Variants in CALN1 observed in about 807,000 individuals in gnomAD.
CALN1 encodes the protein calneuron 1.
CALN1 carries 17 observed loss-of-function variants against 30.6 expected under a neutral mutation model. That is an observed-to-expected ratio of 0.56 (90% CI 0.38 to 0.83). The LOEUF is 0.83. Ranked by LOEUF, CALN1 falls within the 40% of genes least tolerant of loss-of-function variation. The pLI is 0.00. For missense variants in CALN1, 291 were observed against 354.9 expected (o/e 0.82, Z 1.45); for synonymous variants, 156 against 131.4 (o/e 1.19, Z -1.28).
chr7:72,303,071 C>A (rs934719855), intron 2 of CALN1, among the ~76,000 whole-genome samples: 3 of 150,918 alleles, frequency 2.0e-5, no homozygotes, highest in Non-Finnish European at 3.0e-5. Flanking sequence ...CAGAGACAGA[C>A]CCTGTCTCAA....
At chr7:72,483,307 CA>C in the CALN1 span, among the ~76,000 whole-genome samples, 2 of 108,028 alleles carry the variant, frequency 1.9e-5, no homozygotes, top group Admixed American at 1.2e-4. Context: ...TTTTTTGAGA[CA>C]AAGGCTTGCT....
chr7:72,121,326 AAAT>A (rs1451965193), intron 3 of CALN1, among the ~76,000 whole-genome samples: 22 of 144,324 alleles, frequency 1.5e-4, no homozygotes, highest in East Asian at 5.9e-4. Context: ...TATATAAATT[AAAT>A]AATATATAAA....
chr7:72,045,487 G>A (rs1275245167), intron 4 of CALN1, among the ~76,000 whole-genome samples: 1 of 152,184 alleles, frequency 6.6e-6, no homozygotes. Flanking sequence ...AATGCAATGA[G>A]TGAGAGCCAC....
At chr7:72,226,791 C>T (rs903882205) in intron 3 of CALN1, among the ~76,000 whole-genome samples, 14 of 152,134 alleles carry the variant, frequency 9.2e-5, no homozygotes, top group Non-Finnish European at 1.5e-5. Context: ...ACCTGTAATT[C>T]CAGCACTTTG....
intron 4 of CALN1, among the ~76,000 whole-genome samples, chr7:72,027,392 C>T (rs896881680): frequency 6.6e-6 from 1 of 152,096 alleles, no homozygotes; most frequent in South Asian, 2.1e-4. Context: ...CTTAGAAGCT[C>T]AAGGACACGA....
intron 3 of CALN1, among the ~76,000 whole-genome samples, chr7:72,263,831 G>T (rs1476876730): frequency 6.6e-6 from 1 of 152,088 alleles, no homozygotes; most frequent in African/African-American, 2.4e-5. Flanking sequence ...TTGTTCCCAG[G>T]GATAAGCATG....
intron 2 of CALN1, among the ~76,000 whole-genome samples, chr7:72,371,468 A>T (rs937160459): frequency 8.5e-5 from 13 of 152,084 alleles, no homozygotes; most frequent in African/African-American, 3.1e-4. Flanking sequence ...TGGTTTTATA[A>T]AAGGATTTTC....
chr7:72,199,352 C>G (rs1791253959), intron 3 of CALN1, among the ~76,000 whole-genome samples: 1 of 152,140 alleles, frequency 6.6e-6, no homozygotes, highest in Non-Finnish European at 1.5e-5. Flanking sequence ...GGCTACAATC[C>G]AAAAATACAG....
intron 2 of CALN1, among the ~76,000 whole-genome samples, chr7:72,328,999 G>T (rs1254092954): frequency 6.6e-6 from 1 of 152,234 alleles, no homozygotes; most frequent in Non-Finnish European, 1.5e-5. Flanking sequence ...GCCCAGCCCG[G>T]TGTCTACATT....
At chr7:71,901,229 T>C (rs999088832) in intron 5 of CALN1, among the ~76,000 whole-genome samples, 8 of 152,086 alleles carry the variant, frequency 5.3e-5, no homozygotes, top group African/African-American at 1.4e-4. Context: ...GGAAGATCCT[T>C]ACAAGAAAAA....
At chr7:72,426,262 T>C (rs1026345818) in intron 1 of CALN1, among the ~76,000 whole-genome samples, 1 of 152,202 alleles carries the variant, frequency 6.6e-6, no homozygotes, top group Non-Finnish European at 1.5e-5. Flanking sequence ...TCTACTGATA[T>C]GGTTTGGCTC....
intron 4 of CALN1, among the ~76,000 whole-genome samples, chr7:72,041,744 G>T (rs1480754689): frequency 2.0e-5 from 3 of 152,142 alleles, no homozygotes; most frequent in African/African-American, 7.2e-5. Flanking sequence ...GGACCCAGTG[G>T]GAGGTAATTG....
At chr7:72,250,762 A>T (rs1795498869) in intron 3 of CALN1, among the ~76,000 whole-genome samples, 1 of 152,066 alleles carries the variant, frequency 6.6e-6, no homozygotes, top group Non-Finnish European at 1.5e-5. Context: ...TCTTCCCACC[A>T]TGAGTAAAAG....
intron 4 of CALN1, among the ~76,000 whole-genome samples, chr7:72,048,041 C>CT (rs1159186115): frequency 0.049 from 6,190 of 127,428 alleles, 439 homozygotes; most frequent in African/African-American, 0.15. Flanking sequence ...TCTTCTTCTT[C>CT]TTTTTTTTTT....
At chr7:72,097,647 C>CA (rs10711051) in intron 4 of CALN1, among the ~76,000 whole-genome samples, 518 of 130,240 alleles carry the variant, frequency 4.0e-3, no homozygotes, top group African/African-American at 0.012. Context: ...TATGTCTACC[C>CA]AAAAAAAAAA....
chr7:72,148,597 A>C (rs1786966323), intron 3 of CALN1, among the ~76,000 whole-genome samples: 1 of 151,228 alleles, frequency 6.6e-6, no homozygotes, highest in Admixed American at 6.6e-5. Flanking sequence ...CAATGTGAGG[A>C]CCTGTCTCAA....
chr7:72,040,294 G>A (rs149608855), intron 4 of CALN1, among the ~76,000 whole-genome samples: 111 of 151,290 alleles, frequency 7.3e-4, no homozygotes, highest in African/African-American at 2.6e-3. Context: ...GGGCAACATA[G>A]TGAGAGCTCA....
At chr7:71,939,220 A>G (rs1795996988) in intron 5 of CALN1, among the ~76,000 whole-genome samples, 3 of 152,078 alleles carry the variant, frequency 2.0e-5, no homozygotes, top group African/African-American at 4.8e-5. Flanking sequence ...CGTGTTTAAC[A>G]TGTGCCAAAG....
chr7:72,463,350 C>T, the CALN1 span, among the ~76,000 whole-genome samples: 1 of 152,172 alleles, frequency 6.6e-6, no homozygotes, highest in Non-Finnish European at 1.5e-5. Flanking sequence ...TGGGGTTTCA[C>T]CAGGCTGGTC....
Sources: allele counts gnomAD v4.1 joint callset (sites outside exome capture counted in the v4.1 genomes callset), GRCh38; gene constraint gnomAD v4.1.1; transcripts MANE v1.5; gene names NCBI Gene and HGNC (gene_info 2026-07-23, HGNC 2026-07-21).